MPND: variants seen among roughly 807,000 people sequenced by gnomAD.
MPND encodes the protein MPN domain-containing protein.
MPND carries 56 observed loss-of-function variants against 59.2 expected under a neutral mutation model. The ratio of observed to expected loss-of-function variants is 0.95; its 90% CI spans 0.76 to 1.18. MPND has a LOEUF of 1.18. MPND is among the 50% of genes most tolerant of loss of function. MPND has a pLI of 0.00. For missense variants in MPND, 671 were observed against 676.0 expected (o/e 0.99, Z 0.08); for synonymous variants, 323 against 291.9 (o/e 1.11, Z -1.09).
chr19:4,355,246 G>A, intron 8 of MPND, 73 bp downstream of exon 8: 11 of 1,484,284 alleles, frequency 7.4e-6, no homozygotes, highest in Non-Finnish European at 1.0e-5. Flanking sequence ...CGACTGCCCA[G>A]TGGCTGGCAG....
intron 12 of MPND, among the ~76,000 whole-genome samples, chr19:4,359,665 G>A (rs960848018): frequency 3.3e-5 from 5 of 152,196 alleles, no homozygotes; most frequent in African/African-American, 9.7e-5. Flanking sequence ...GGGAGGGGCT[G>A]AAGTGGGGGC....
rs957291733 is a variant in MPND at position 4,358,011 on chromosome 19, C to T, written c.1237-72C>T. 49 of 1,313,898 alleles carry T rather than the reference C, an allele frequency of 3.7e-5. No homozygotes were observed. The Admixed American group carries it at 8.9e-4, about 24-fold the overall frequency. 81.4% of individuals were successfully genotyped at this position (1,313,898 alleles called of 1,614,324 possible). A position where few individuals can be genotyped will look rare whatever the true frequency, so the allele number is the denominator to read the frequency against. The stretch of plus-strand genomic sequence containing the variant: ...CACTCTCCCGTTCCCAGCCCGGGCA[C>T]TGCCAATTGTCCCCAGCTGCCATGG... On this transcript the variant is annotated intron_variant, in intron 10 of 12. Transcript: ENST00000599840.
chr19:4,354,342 G>A lies in MPND; in HGVS notation c.768G>A (p.Val256=). ...CCTACAGGAACCCCCACACCCTGGT[G>A]GAAGTAACATCCTTTGCAGCCATCA... ...RDLARNPHTL[V]EVTSFAAINK... is the part of the protein sequence containing the mutation. The change falls in exon 6 of 13, where the codon GTG becomes GTA. Residue 256 remains valine (V), a synonymous_variant. Transcript: ENST00000599840. The A allele has an allele frequency of 6.4e-7, 1 of 1,559,926 alleles. No individual in the cohort carries two copies. Among genetic ancestry groups the A allele is most frequent in the Non-Finnish European group, 8.7e-7 (1 of 1,150,722 alleles).
intron 10 of MPND, 166 bp downstream of exon 10, chr19:4,357,751 G>A (rs1972475607): frequency 2.9e-6 from 2 of 696,124 alleles, no homozygotes; most frequent in East Asian, 2.7e-5. Context: ...ATTTTGGTGA[G>A]GTCCTGGGCG....
At chr19:4,351,718 T>C (rs1972321099) in intron 3 of MPND, among the ~76,000 whole-genome samples, 1 of 151,712 alleles carries the variant, frequency 6.6e-6, no homozygotes, top group Non-Finnish European at 1.5e-5. Context: ...AAAAATTAGC[T>C]GGGCGTGGTG....
rs116132099 is a variant in MPND, at chr19:4,356,375, C to G, written c.997-878C>G. 9.1e-4 allele frequency among the ~76,000 whole-genome samples: 138 copies of G among 152,136 alleles called. 1 individual carries two copies. Among genetic ancestry groups the G allele is most frequent in the African/African-American group, 3.2e-3 (132 of 41,478 alleles). On this transcript the variant is annotated intron_variant, in intron 8 of 12. Transcript: ENST00000599840. ...GCCTGGGGCCACAGCAAGACCCCGT[C>G]TCTACAAAAGATAAAAAAAATTAGC...
intron 12 of MPND, 112 bp downstream of exon 12, chr19:4,359,367 C>T (rs983907364): frequency 6.8e-6 from 5 of 740,726 alleles, no homozygotes; most frequent in Non-Finnish European, 9.0e-6. Context: ...TGAGACAGCC[C>T]AGCTGGCAGA....
At chr19:4,346,957 A>C (rs1311406354) in intron 3 of MPND, among the ~76,000 whole-genome samples, 1 of 151,770 alleles carries the variant, frequency 6.6e-6, no homozygotes, top group East Asian at 2.0e-4. Context: ...TTGAACCTGC[A>C]AGGCGGAGGT....
At chr19:4,358,608 C>T (rs1044230366) in intron 11 of MPND, among the ~76,000 whole-genome samples, 1 of 152,126 alleles carries the variant, frequency 6.6e-6, no homozygotes, top group African/African-American at 2.4e-5. Flanking sequence ...GCCAACATGG[C>T]GAAACCCTGT....
intron 2 of MPND, 52 bp from the exon 3 acceptor site, chr19:4,345,693 G>A: frequency 6.4e-7 from 1 of 1,562,086 alleles, no homozygotes; most frequent in South Asian, 1.1e-5. Context: ...CCCCGGGAGA[G>A]AGGGCATGGT....
intron 8 of MPND, chr19:4,356,524 G>GA (rs1972441507): frequency 6.6e-6 from 1 of 152,246 alleles, no homozygotes; most frequent in Non-Finnish European, 1.5e-5. Flanking sequence ...CAGCCTGGGT[G>GA]ACAGAGCAAG....
At chr19:4,350,209 G>A (rs1490501206) in intron 3 of MPND, among the ~76,000 whole-genome samples, 1 of 152,152 alleles carries the variant, frequency 6.6e-6, no homozygotes. Context: ...CGTGCCTGGT[G>A]TGTTGGAGGA....
At chr19:4,358,196 G>C (rs184369689) in intron 11 of MPND, 24 bp downstream of exon 11, 2 of 1,537,886 alleles carry the variant, frequency 1.3e-6, no homozygotes, top group Non-Finnish European at 1.8e-6. Flanking sequence ...GGGGCGGGCA[G>C]GCAGGGGCTG....
At chr19:4,357,013 A>G (rs774975512) in intron 8 of MPND, 16 of 415,088 alleles carry the variant, frequency 3.9e-5, no homozygotes, top group African/African-American at 6.1e-5. Context: ...GCAGTGAACA[A>G]AATGACTTTG....
intron 2 of MPND, among the ~76,000 whole-genome samples, chr19:4,345,036 C>T (rs1326426917): frequency 2.3e-5 from 3 of 129,732 alleles, no homozygotes; most frequent in Non-Finnish European, 4.8e-5. Context: ...CCACCATGCC[C>T]GGCCTTTTTT....
At chr19:4,349,992 A>G (rs1430151234) in intron 3 of MPND, among the ~76,000 whole-genome samples, 1 of 152,128 alleles carries the variant, frequency 6.6e-6, no homozygotes, top group Non-Finnish European at 1.5e-5. Flanking sequence ...AACTGTGTGC[A>G]AGGCCTGTTT....
chr19:4,354,464 A>G, intron 6 of MPND, 44 bp downstream of exon 6: 1 of 1,498,316 alleles, frequency 6.7e-7, no homozygotes, highest in Non-Finnish European at 9.1e-7. Context: ...TCCGGAGCCC[A>G]GTCGGTGGGC....
At chr19:4,359,861 G>A (rs925002824) in intron 12 of MPND, 55 bp from the exon 13 acceptor site, 42 of 1,419,566 alleles carry the variant, frequency 3.0e-5, no homozygotes, top group African/African-American at 8.6e-5. Flanking sequence ...ACTGTGAGGC[G>A]CAGGGCTGGC....
chr19:4,347,143 CT>C (rs939768764), intron 3 of MPND: 63 of 145,922 alleles, frequency 4.3e-4, no homozygotes, highest in Admixed American at 4.8e-4. Context: ...GTGGCAGAAT[CT>C]TTTTTTTTTT....
Sources: gnomAD v4.1 joint callset for allele counts (sites outside exome capture counted in the v4.1 genomes callset) on GRCh38, gnomAD v4.1.1 for gene constraint, MANE v1.5 for transcripts, NCBI Gene and HGNC (gene_info 2026-07-23, HGNC 2026-07-21) for gene names.